RIC8B: variants seen among roughly 807,000 people sequenced by gnomAD.
RIC8B encodes RIC8 guanine nucleotide exchange factor B.
In RIC8B, 16 loss-of-function variants were observed where a neutral mutation model predicts 57.5. That is an observed-to-expected ratio of 0.28 (90% CI 0.19 to 0.42). RIC8B has a LOEUF of 0.42. Ranked by LOEUF, RIC8B falls within the 10% of genes least tolerant of loss-of-function variation. RIC8B has a pLI of 1.00. For synonymous variants in RIC8B, 216 were observed against 250.8 expected (o/e 0.86, Z 1.31); for missense variants, 481 against 677.0 (o/e 0.71, Z 3.21).
At chr12:106,835,046 T>TTATGTACCTCCAGGGTTG (rs1011361930) in intron 4 of RIC8B, among the ~76,000 whole-genome samples, 2 of 150,836 alleles carry the variant, frequency 1.3e-5, no homozygotes, top group Non-Finnish European at 3.0e-5. Flanking sequence ...GTAGATCATC[T>TTATGTACCTCCAGGGTTG]TATGTACCTC....
rs114185736 is a variant in RIC8B at position 106,848,509 on chromosome 12, C to T, written c.1162-2941C>T. Among the ~76,000 whole-genome samples, 1,512 of 152,246 alleles carry T rather than the reference C, an allele frequency of 9.9e-3. 17 individuals are homozygous for T. The highest frequency in any genetic ancestry group is 0.035 in the African/African-American group (1,442 of 41,528). ...CCAGCATGGAAGCAGAGACCACTTA[C>T]AAGGCTTTGGTATTAGTCCAGAGAA... On this transcript the variant is annotated intron_variant, in intron 6 of 9. Transcript: ENST00000392837.
chr12:106,815,527 A>G (rs1046534291), intron 3 of RIC8B, among the ~76,000 whole-genome samples: 3 of 152,330 alleles, frequency 2.0e-5, no homozygotes, highest in East Asian at 1.9e-4. Context: ...ATGGACTACT[A>G]TTTTGTAAGA....
At chr12:106,814,673 G>T in intron 2 of RIC8B, 23 bp from the exon 3 acceptor site, 2 of 1,555,110 alleles carry the variant, frequency 1.3e-6, no homozygotes, top group Admixed American at 4.0e-5. Context: ...AATGATTTTT[G>T]CATACTCGTT....
intron 9 of RIC8B, among the ~76,000 whole-genome samples, chr12:106,884,843 G>C (rs1365831922): frequency 2.0e-5 from 3 of 152,158 alleles, no homozygotes; most frequent in African/African-American, 7.2e-5. Context: ...CTTTCTGTTG[G>C]CCTAAGGGAC....
At chr12:106,783,800 A>G (rs953826455) in intron 1 of RIC8B, among the ~76,000 whole-genome samples, 197 bp from the exon 2 acceptor site, 1 of 152,148 alleles carries the variant, frequency 6.6e-6, no homozygotes, top group African/African-American at 2.4e-5. Context: ...TCCTTTGTAT[A>G]TATATCTGCT....
chr12:106,800,314 G>A (rs945878429), intron 2 of RIC8B, among the ~76,000 whole-genome samples: 6 of 152,120 alleles, frequency 3.9e-5, no homozygotes, highest in Admixed American at 3.9e-4. Context: ...ATGGCAGAAG[G>A]CAAAGCTGGA....
intron 2 of RIC8B, among the ~76,000 whole-genome samples, chr12:106,790,261 G>A (rs116803803): frequency 8.5e-5 from 13 of 152,092 alleles, no homozygotes; most frequent in Admixed American, 2.0e-4. Flanking sequence ...ATTTCAGAAG[G>A]CTTGAAATTA....
At chr12:106,790,285 T>C (rs1484579991) in intron 2 of RIC8B, among the ~76,000 whole-genome samples, 2 of 152,240 alleles carry the variant, frequency 1.3e-5, no homozygotes, top group Non-Finnish European at 2.9e-5. Flanking sequence ...TCCAGTACCT[T>C]GTTTTCTCTC....
intron 1 of RIC8B, among the ~76,000 whole-genome samples, chr12:106,778,722 C>CCTGT (rs749757637): frequency 5.5e-4 from 83 of 152,216 alleles, no homozygotes; most frequent in Middle Eastern, 3.4e-3. Flanking sequence ...TTGCCTTTAC[C>CCTGT]CTGTCTCTTC....
rs370332419 is a variant in RIC8B at position 106,803,001 on chromosome 12, G to C, written c.133-11695G>C. Among the ~76,000 whole-genome samples, 8 of 151,950 alleles carry C rather than the reference G, an allele frequency of 5.3e-5. No homozygotes were observed. In the South Asian group the frequency reaches 1.2e-3, roughly 24 times the overall value. On this transcript the variant is annotated intron_variant, in intron 2 of 9. Coordinates refer to ENST00000392837, the MANE Select transcript of RIC8B (RefSeq NM_001330145.2). ...AAGGTGAGGGGATTGCTTAATTAAGGCTTGGAGTTTGAAACCAGCCTGGGC... is the reference window on the plus strand; with the variant it reads ...AAGGTGAGGGGATTGCTTAATTAAGCCTTGGAGTTTGAAACCAGCCTGGGC...
intron 2 of RIC8B, among the ~76,000 whole-genome samples, chr12:106,795,400 CTA>C (rs2044434599): frequency 6.6e-6 from 1 of 152,072 alleles, no homozygotes; most frequent in Non-Finnish European, 1.5e-5. Context: ...AGCTCTCTCT[CTA>C]GTGAGAGAGA....
chr12:106,834,877 G>A (rs1241497724), intron 4 of RIC8B, among the ~76,000 whole-genome samples: 1 of 150,726 alleles, frequency 6.6e-6, no homozygotes, highest in Non-Finnish European at 1.5e-5. Context: ...CCAGGTACTT[G>A]GGAGGCTGAG....
chr12:106,818,260 A>T (rs1046737032), intron 3 of RIC8B, among the ~76,000 whole-genome samples: 1 of 151,402 alleles, frequency 6.6e-6, no homozygotes, highest in South Asian at 2.1e-4. Context: ...TCTGGCTCCC[A>T]GGTTCAAGCA....
chr12:106,807,059 C>G (rs1013843778), intron 2 of RIC8B, among the ~76,000 whole-genome samples: 9 of 152,198 alleles, frequency 5.9e-5, no homozygotes, highest in Non-Finnish European at 1.2e-4. Flanking sequence ...CCCTCTCCCC[C>G]ACAAATAGTA....
At chr12:106,847,787 A>G (rs1231054000) in intron 6 of RIC8B, among the ~76,000 whole-genome samples, 2 of 152,206 alleles carry the variant, frequency 1.3e-5, no homozygotes, top group Non-Finnish European at 2.9e-5. Context: ...GTCTGCCCTC[A>G]TTTCTTAGCA....
chr12:106,875,954 TTAAAAA>T (rs1469879733), intron 9 of RIC8B, among the ~76,000 whole-genome samples: 1 of 152,148 alleles, frequency 6.6e-6, no homozygotes, highest in African/African-American at 2.4e-5. Flanking sequence ...TAGTTTTTTC[TTAAAAA>T]TAAGTTATTT....
intron 4 of RIC8B, among the ~76,000 whole-genome samples, chr12:106,837,644 T>TG (rs1342780344): frequency 1.4e-5 from 2 of 147,418 alleles, no homozygotes; most frequent in African/African-American, 5.0e-5. Flanking sequence ...CTTTTGTTTT[T>TG]TTTTTTTTTT....
At chr12:106,880,057 C>T (rs1950850459) in intron 9 of RIC8B, 1 of 586,526 alleles carries the variant, frequency 1.7e-6, no homozygotes, top group Non-Finnish European at 2.1e-6. Flanking sequence ...CATAGCCATC[C>T]TTTTTAGATA....
intron 6 of RIC8B, among the ~76,000 whole-genome samples, chr12:106,850,289 G>A (rs1267632527): frequency 2.0e-5 from 3 of 152,168 alleles, no homozygotes; most frequent in Non-Finnish European, 4.4e-5. Flanking sequence ...GAGTCATCAG[G>A]ATGCAGAGAC....
Sources: allele counts gnomAD v4.1 joint callset (sites outside exome capture counted in the v4.1 genomes callset), GRCh38; gene constraint gnomAD v4.1.1; transcripts MANE v1.5; gene names NCBI Gene and HGNC (gene_info 2026-07-23, HGNC 2026-07-21).